Variants in OCA2 observed in about 807,000 individuals in gnomAD.
OCA2 encodes the protein OCA2 melanosomal transmembrane protein.
In OCA2, 77 loss-of-function variants were observed where a neutral mutation model predicts 100.2. The observed-to-expected ratio is 0.77, with a 90% CI of 0.64 to 0.93. The LOEUF is 0.93. Ranked by LOEUF, OCA2 falls within the 40% of genes least tolerant of loss-of-function variation. The pLI is 0.00. For synonymous variants in OCA2, 432 were observed against 439.2 expected (o/e 0.98, Z 0.21); for missense variants, 1,062 against 1,089.1 (o/e 0.98, Z 0.35).
intron 18 of OCA2, among the ~76,000 whole-genome samples, chr15:27,941,368 A>C (rs574283369): frequency 3.3e-5 from 5 of 152,312 alleles, no homozygotes; most frequent in African/African-American, 1.2e-4. Context: ...TTTAAAAGCT[A>C]ATGTGGTACT....
rs2043274417 is a variant in OCA2, at chr15:28,043,883, T to C, written c.228-11720A>G. On this transcript the variant is annotated intron_variant, in intron 2 of 23. Coordinates refer to ENST00000354638, the MANE Select transcript of OCA2 (RefSeq NM_000275.3). The surrounding 1 kb of genome is among the most constrained non-coding windows in gnomAD (Gnocchi z 4.4). ...CAAGGAAGAAAGATAAGATTCTTCA[T>C]GTTAATGAATGATGTGCAGGCCATG... Among the ~76,000 whole-genome samples, 2 of 152,354 alleles carry C rather than the reference T, an allele frequency of 1.3e-5. No homozygotes were observed. The highest frequency in any genetic ancestry group is 1.9e-4 in the East Asian group (1 of 5,182).
intron 9 of OCA2, among the ~76,000 whole-genome samples, chr15:28,006,327 A>C (rs2042090826): frequency 6.6e-6 from 1 of 152,218 alleles, no homozygotes; most frequent in Non-Finnish European, 1.5e-5. Context: ...CTGCATGTGC[A>C]GGAACAGCCA....
At chr15:27,935,918 T>G (rs573259848) in intron 18 of OCA2, among the ~76,000 whole-genome samples, 28 of 152,352 alleles carry the variant, frequency 1.8e-4, no homozygotes, top group Middle Eastern at 3.4e-3. Flanking sequence ...AACTAACCTA[T>G]GTACCTTGAG....
intron 23 of OCA2, among the ~76,000 whole-genome samples, chr15:27,808,642 T>G (rs1451039683): frequency 6.6e-6 from 1 of 151,906 alleles, no homozygotes; most frequent in Non-Finnish European, 1.5e-5. Flanking sequence ...CGTGACTGAA[T>G]TGACAGAAAA....
chr15:28,070,117 G>A (rs1358921560), intron 2 of OCA2, among the ~76,000 whole-genome samples: 2 of 113,482 alleles, frequency 1.8e-5, no homozygotes, highest in Admixed American at 7.9e-5. Context: ...GGTGAGGAGC[G>A]TCTCTGCCCG....
chr15:28,098,401 G>A lies in OCA2; in HGVS notation c.-22+823C>T, dbSNP rs530682871. ...GGATGGCAGATGCCATGCCCGCCCC[G>A]CGAAGCTCAGGCTCACCAAGCAAGC... On this transcript the variant is annotated intron_variant, in intron 1 of 23. Coordinates refer to ENST00000354638, the MANE Select transcript of OCA2 (RefSeq NM_000275.3). Among the ~76,000 whole-genome samples, 4 of 152,342 alleles carry A rather than the reference G, an allele frequency of 2.6e-5. No homozygotes were observed. The East Asian group carries it at 7.7e-4, about 29-fold the overall frequency.
At chr15:27,731,924 C>G in the OCA2 span, among the ~76,000 whole-genome samples, 1 of 152,254 alleles carries the variant, frequency 6.6e-6, no homozygotes, top group South Asian at 2.1e-4. Flanking sequence ...GAACCCATTC[C>G]AGTACTGCCA....
chr15:27,920,564 A>T (rs1291907798), intron 19 of OCA2, among the ~76,000 whole-genome samples: 1 of 152,282 alleles, frequency 6.6e-6, no homozygotes, highest in African/African-American at 2.4e-5. Context: ...AATAGAAACT[A>T]TCTGTGAGGG....
the OCA2 span, among the ~76,000 whole-genome samples, chr15:27,744,913 C>T: frequency 2.0e-5 from 3 of 147,804 alleles, no homozygotes; most frequent in Admixed American, 6.9e-5. Context: ...CACAATTGAC[C>T]AGAGATTCTG....
At position 27,913,838 on chromosome 15, in the gene OCA2, G is replaced by GGAAAGAAAGAAA. The variant is rs367919609; in HGVS notation, c.2079+12277_2079+12288dup. ...AAAGAGAAAGAAAGAAAGAAAGAAAGGAAAGAAAGAAAGAAAGAAAGAAAG... is the reference window on the plus strand; with the variant it reads ...AAAGAGAAAGAAAGAAAGAAAGAAAGGAAAGAAAGAAAGAAAGAAAGAAAGAAAGAAAGAAAG... On this transcript the variant is annotated intron_variant, in intron 19 of 23. Coordinates refer to ENST00000354638, the MANE Select transcript of OCA2 (RefSeq NM_000275.3). 4.6e-3 allele frequency among the ~76,000 whole-genome samples: 169 copies of GGAAAGAAAGAAA among 37,006 alleles called. 2 individuals are homozygous for GGAAAGAAAGAAA. Among genetic ancestry groups the GGAAAGAAAGAAA allele is most frequent in the Admixed American group, 4.7e-3 (12 of 2,562 alleles). 24.3% of individuals were successfully genotyped at this position (37,006 alleles called of 152,430 possible).
At chr15:27,998,383 G>A (rs573459018) in intron 9 of OCA2, among the ~76,000 whole-genome samples, 10 of 94,190 alleles carry the variant, frequency 1.1e-4, no homozygotes, top group African/African-American at 2.4e-4. Context: ...CAAAAAGTGG[G>A]TGAAGGATAT....
At chr15:28,074,518 C>T (rs914096526) in intron 2 of OCA2, among the ~76,000 whole-genome samples, 2 of 151,986 alleles carry the variant, frequency 1.3e-5, no homozygotes, top group East Asian at 1.9e-4. Context: ...ACTAAAAATA[C>T]AAAAAATTAG....
intron 19 of OCA2, among the ~76,000 whole-genome samples, chr15:27,921,470 A>G (rs1019588128): frequency 6.6e-6 from 1 of 152,204 alleles, no homozygotes. Context: ...GGCTGACATC[A>G]TGTGGCAACT....
intron 17 of OCA2, 93 bp downstream of exon 17, chr15:27,955,065 C>T (rs918224448): frequency 1.9e-5 from 17 of 902,044 alleles, no homozygotes; most frequent in Middle Eastern, 2.1e-4. Flanking sequence ...AAAAGAGAAA[C>T]GGCATTCAGT....
rs1555403550 is a variant in OCA2 at position 27,770,915 on chromosome 15, C to CTCCCTCCCTTTTTTCTTCCTTCCT, written c.2433-15444_2433-15443insAGGAAGGAAGAAAAAAGGGAGGGA. 2.1e-4 allele frequency among the ~76,000 whole-genome samples: 23 copies of CTCCCTCCCTTTTTTCTTCCTTCCT among 111,390 alleles called. 2 individuals are homozygous for CTCCCTCCCTTTTTTCTTCCTTCCT. The highest frequency in any genetic ancestry group is 5.6e-3 in the Middle Eastern group (1 of 178). The allele number at this position is 111,390 out of a possible 152,430, so 73.1% of individuals were successfully genotyped here. ...CCATCTCCTTTTCCTTCCTTCCCTC[C>CTCCCTCCCTTTTTTCTTCCTTCCT]TCCCTCCCTCTTTTCCTTTCTTCCT... On this transcript the variant is annotated intron_variant, in intron 23 of 23. Transcript: ENST00000354638.
intron 23 of OCA2, among the ~76,000 whole-genome samples, chr15:27,824,045 T>C (rs991219129): frequency 4.6e-5 from 7 of 152,196 alleles, no homozygotes; most frequent in Non-Finnish European, 1.0e-4. Context: ...TCTTAAAATA[T>C]TTGTTAACTT....
At chr15:27,945,499 G>A (rs1010703638) in intron 18 of OCA2, among the ~76,000 whole-genome samples, 2 of 152,116 alleles carry the variant, frequency 1.3e-5, no homozygotes, top group Admixed American at 6.5e-5. Context: ...GTGGGTGGGC[G>A]CCCTCCATCC....
the OCA2 span, among the ~76,000 whole-genome samples, chr15:27,722,187 G>A: frequency 6.6e-6 from 1 of 152,216 alleles, no homozygotes; most frequent in South Asian, 2.1e-4. Context: ...TGTATCCGCC[G>A]TACTGGCCTC....
intron 19 of OCA2, among the ~76,000 whole-genome samples, chr15:27,885,537 C>T (rs1398481509): frequency 6.6e-6 from 1 of 152,208 alleles, no homozygotes; most frequent in Non-Finnish European, 1.5e-5. Flanking sequence ...TTCTTCTCAG[C>T]TTAAGAAATC....
Sources: allele counts gnomAD v4.1 joint callset (sites outside exome capture counted in the v4.1 genomes callset), GRCh38; gene constraint gnomAD v4.1.1; non-coding constraint Gnocchi (gnomAD v3.1); transcripts MANE v1.5; gene names NCBI Gene and HGNC (gene_info 2026-07-23, HGNC 2026-07-21).